Variants in TRPM3 observed in about 807,000 individuals in gnomAD.
The protein encoded by TRPM3 is transient receptor potential cation channel subfamily M member 3, also known as long transient receptor potential channel 3.
TRPM3 carries 77 observed loss-of-function variants against 181.2 expected under a neutral mutation model. The observed-to-expected ratio is 0.42, with a 90% CI of 0.35 to 0.51. The LOEUF (loss-of-function observed/expected upper bound fraction) is 0.51, where lower values mean the gene tolerates loss of function less well. Ranked by LOEUF, TRPM3 falls within the 20% of genes least tolerant of loss-of-function variation. The probability of loss-of-function intolerance (pLI) is 0.01; values close to 1 mark genes in which losing one functional copy is unlikely to be tolerated. For synonymous variants in TRPM3, 745 were observed against 796.4 expected (o/e 0.94, Z 1.09); for missense variants, 1,759 against 2,196.7 (o/e 0.80, Z 3.98).
intron 1 of TRPM3, among the ~76,000 whole-genome samples, chr9:71,307,445 A>G (rs2087461696): frequency 6.6e-6 from 1 of 152,084 alleles, no homozygotes; most frequent in South Asian, 2.1e-4. Flanking sequence ...ATGTTTACAT[A>G]TTTACTGTAA....
chr9:70,855,428 A>T (rs546768736), intron 3 of TRPM3, among the ~76,000 whole-genome samples: 1 of 152,358 alleles, frequency 6.6e-6, no homozygotes, highest in South Asian at 2.1e-4. Flanking sequence ...AATTTTGCCC[A>T]GCTGTTTCAA....
chr9:71,223,496 G>C (rs982776741), intron 1 of TRPM3, among the ~76,000 whole-genome samples: 2 of 152,232 alleles, frequency 1.3e-5, no homozygotes, highest in Non-Finnish European at 2.9e-5. Context: ...GTAGCTACCA[G>C]GAGAGACTTC....
At chr9:70,579,616 C>A (rs1265751783) in intron 22 of TRPM3, among the ~76,000 whole-genome samples, 1 of 152,166 alleles carries the variant, frequency 6.6e-6, no homozygotes, top group Non-Finnish European at 1.5e-5. Context: ...GGAGGAGAAA[C>A]CTAGCTGAAC....
At chr9:70,963,661 G>C (rs1292280661) in intron 1 of TRPM3, among the ~76,000 whole-genome samples, 2 of 152,124 alleles carry the variant, frequency 1.3e-5, no homozygotes, top group African/African-American at 4.8e-5. Flanking sequence ...GGCTTGGAAG[G>C]AGTAAATAAC....
intron 1 of TRPM3, among the ~76,000 whole-genome samples, chr9:71,426,873 C>T (rs969567834): frequency 4.6e-5 from 7 of 151,180 alleles, no homozygotes; most frequent in African/African-American, 1.7e-4. Flanking sequence ...GATTTTTTTC[C>T]TCTGTCTTCA....
intron 1 of TRPM3, among the ~76,000 whole-genome samples, chr9:71,008,772 G>A (rs549922868): frequency 4.6e-5 from 7 of 152,304 alleles, no homozygotes; most frequent in South Asian, 2.1e-4. Flanking sequence ...TTAAACCCAG[G>A]AGGCGGAGGT....
chr9:70,629,710 C>A (rs182993456), intron 12 of TRPM3, among the ~76,000 whole-genome samples: 3 of 152,094 alleles, frequency 2.0e-5, no homozygotes, highest in Non-Finnish European at 4.4e-5. Flanking sequence ...AAGGATTAGG[C>A]GCTAAGGAAT....
intron 1 of TRPM3, among the ~76,000 whole-genome samples, chr9:71,427,015 A>G (rs540648279): frequency 6.6e-6 from 1 of 152,340 alleles, no homozygotes; most frequent in Non-Finnish European, 1.5e-5. Context: ...CAGCTAAGAA[A>G]TGGCTTTGTA....
chr9:71,314,491 T>C (rs562765857), intron 1 of TRPM3, among the ~76,000 whole-genome samples: 1 of 152,210 alleles, frequency 6.6e-6, no homozygotes, highest in African/African-American at 2.4e-5. Flanking sequence ...CCTACCCTAT[T>C]AATCCCAAAA....
Position 70,763,459 on chromosome 9 carries a change from A to G in TRPM3, c.1149-1735T>C, listed in dbSNP as rs1046122904. ...CAGGGAGGCAGTGAGCCAAGATCAC[A>G]CCACTGCACTCCAGCCTGGGTGACA... On this transcript the variant is annotated intron_variant, in intron 7 of 25. Transcript: ENST00000677713. Among the ~76,000 whole-genome samples the G allele has an allele frequency of 2.6e-5, 4 of 152,116 alleles. 1 individual carries two copies. The East Asian group carries it at 7.7e-4, about 29-fold the overall frequency.
chr9:71,339,494 G>C (rs567950278), intron 1 of TRPM3, among the ~76,000 whole-genome samples: 4 of 141,724 alleles, frequency 2.8e-5, no homozygotes, highest in South Asian at 4.7e-4. Flanking sequence ...CAATGGAACA[G>C]AGTAAGTTCT....
intron 6 of TRPM3, among the ~76,000 whole-genome samples, chr9:70,795,639 C>T (rs972357660): frequency 3.9e-5 from 6 of 152,214 alleles, no homozygotes; most frequent in Admixed American, 6.5e-5. Flanking sequence ...CCCCCAGGGG[C>T]CTCTCCTTAT....
chr9:71,306,639 G>C (rs966112837), intron 1 of TRPM3, among the ~76,000 whole-genome samples: 2 of 152,150 alleles, frequency 1.3e-5, no homozygotes, highest in Non-Finnish European at 2.9e-5. Flanking sequence ...ACTTTGGGAG[G>C]CTGAGGCAGG....
At chr9:71,364,475 G>A (rs371188614) in intron 1 of TRPM3, among the ~76,000 whole-genome samples, 34 of 152,228 alleles carry the variant, frequency 2.2e-4, no homozygotes, top group African/African-American at 8.0e-4. Flanking sequence ...CTTCAGCAGT[G>A]TCAGGGAGAC....
At chr9:70,801,395 T>C (rs1402059008) in intron 6 of TRPM3, among the ~76,000 whole-genome samples, 1 of 152,156 alleles carries the variant, frequency 6.6e-6, no homozygotes. Context: ...GCTATTTCTT[T>C]CTCTAGCTAC....
chr9:70,675,534 CATAAA>C (rs1409678988), intron 9 of TRPM3, among the ~76,000 whole-genome samples: 2 of 152,112 alleles, frequency 1.3e-5, no homozygotes, highest in African/African-American at 2.4e-5. Flanking sequence ...ATCAGAAACA[CATAAA>C]ATAAAATGAT....
At chr9:71,097,030 G>GC (rs1470264515) in intron 1 of TRPM3, among the ~76,000 whole-genome samples, 3 of 152,042 alleles carry the variant, frequency 2.0e-5, no homozygotes, top group African/African-American at 7.2e-5. Flanking sequence ...GACCTATTTG[G>GC]CCAGCGCCCA....
intron 1 of TRPM3, among the ~76,000 whole-genome samples, chr9:70,994,807 T>C (rs1310413740): frequency 6.6e-6 from 1 of 152,216 alleles, no homozygotes; most frequent in African/African-American, 2.4e-5. Context: ...TTCTATCTAA[T>C]AAACCCTCAG....
At chr9:71,411,423 A>T (rs1220804185) in intron 1 of TRPM3, among the ~76,000 whole-genome samples, 2 of 152,256 alleles carry the variant, frequency 1.3e-5, no homozygotes, top group Non-Finnish European at 2.9e-5. Flanking sequence ...TACAAAATCA[A>T]TGTGCAAAAA....
Sources: allele counts gnomAD v4.1 joint callset (sites outside exome capture counted in the v4.1 genomes callset), GRCh38; gene constraint gnomAD v4.1.1; transcripts MANE v1.5; gene names NCBI Gene and HGNC (gene_info 2026-07-23, HGNC 2026-07-21).